TRIM49: variants seen among roughly 807,000 people sequenced by gnomAD.
The protein encoded by TRIM49 is tripartite motif-containing protein 49.
Under a neutral mutation model 27.4 loss-of-function variants are expected in TRIM49, and 5 were observed. That is an observed-to-expected ratio of 0.18 (90% CI 0.10 to 0.38). TRIM49 has a LOEUF of 0.38. TRIM49 is among the 10% of genes least tolerant of loss of function. The pLI is 1.00. For synonymous variants in TRIM49, 69 were observed against 166.0 expected (o/e 0.42, Z 4.49); for missense variants, 188 against 487.5 (o/e 0.39, Z 5.79).
chr11:89,775,661 T>C, the TRIM49 span, among the ~76,000 whole-genome samples: 1 of 134,238 alleles, frequency 7.4e-6, no homozygotes, highest in Non-Finnish European at 1.5e-5. Context: ...TATTTCAGAA[T>C]GTGAAAGTGT....
At chr11:89,793,055 A>G (rs1478067266), downstream of TRIM49, among the ~76,000 whole-genome samples, 12 of 152,128 alleles carry the variant, frequency 7.9e-5, no homozygotes, top group Admixed American at 7.9e-4. Context: ...AAAAATGATA[A>G]AGGGGATATC....
At chr11:89,800,461 G>C (rs1408555565) in intron 6 of TRIM49, among the ~76,000 whole-genome samples, 13 of 151,522 alleles carry the variant, frequency 8.6e-5, no homozygotes, top group Admixed American at 4.6e-4. Flanking sequence ...ACAAAATCAG[G>C]GGCCGGGCGC....
chr11:89,791,335 G>T, the TRIM49 span, among the ~76,000 whole-genome samples: 2 of 152,192 alleles, frequency 1.3e-5, no homozygotes, highest in Non-Finnish European at 2.9e-5. Flanking sequence ...TATTATCCAG[G>T]AGAACTTCCC....
At chr11:89,802,417 G>A (rs1357979722) in intron 4 of TRIM49, among the ~76,000 whole-genome samples, 1 of 150,386 alleles carries the variant, frequency 6.6e-6, no homozygotes, top group East Asian at 1.9e-4. Context: ...GGCCATCTTT[G>A]TCTCCCTGAA....
the TRIM49 span, among the ~76,000 whole-genome samples, chr11:89,767,966 C>G: frequency 7.3e-6 from 1 of 137,518 alleles, no homozygotes; most frequent in East Asian, 2.1e-4. Context: ...CCTAAAAAGC[C>G]CTTCTGCGTG....
the TRIM49 span, among the ~76,000 whole-genome samples, chr11:89,768,521 T>G: frequency 3.7e-5 from 5 of 135,032 alleles, 2 homozygotes; most frequent in African/African-American, 1.8e-4. Context: ...TGATCTCTAA[T>G]TATGATTCTG....
chr11:89,787,043 C>A, the TRIM49 span: 1 of 135,182 alleles, frequency 7.4e-6, no homozygotes, highest in South Asian at 2.0e-4. Context: ...TGGCCACTTA[C>A]ACGTCCGCCT....
intron 6 of TRIM49, among the ~76,000 whole-genome samples, chr11:89,800,117 A>C (rs1292426568): frequency 6.6e-6 from 1 of 150,490 alleles, no homozygotes. Context: ...ACTTCTTGGC[A>C]GACTCCCCTG....
At chr11:89,793,360 G>A (rs1269809413), downstream of TRIM49, among the ~76,000 whole-genome samples, 182 of 152,164 alleles carry the variant, frequency 1.2e-3, no homozygotes, top group African/African-American at 4.2e-3. Flanking sequence ...AGAAAAAGAG[G>A]GAATCCTCCC....
rs1369921547 is a variant in TRIM49 at position 89,804,422 on chromosome 11, G to A, written c.48C>T (p.Pro16=). The A allele has an allele frequency of 1.9e-6, 3 of 1,605,276 alleles. No homozygotes were observed. Among genetic ancestry groups the A allele is most frequent in the African/African-American group, 1.4e-5 (1 of 70,756 alleles). The change falls in exon 3 of 8, where the codon CCC becomes CCT. Residue 16 remains proline (P), a synonymous_variant. Coordinates refer to ENST00000329758, the MANE Select transcript of TRIM49 (RefSeq NM_020358.2). ...GGTCTATGAAGTAGTTCATGCACAGGGGGCAGATGAGTTCCCCCTGAAAGA... is the reference window on the plus strand; with the variant it reads ...GGTCTATGAAGTAGTTCATGCACAGAGGGCAGATGAGTTCCCCCTGAAAGA... ...LQVFQGELIC[P]LCMNYFIDPV... is the part of the protein sequence containing the mutation.
At chr11:89,798,707 C>T in intron 7 of TRIM49, 78 bp from the exon 8 acceptor site, 1 of 1,380,370 alleles carries the variant, frequency 7.2e-7, no homozygotes, top group Non-Finnish European at 9.3e-7. Flanking sequence ...CAAGAAGTTA[C>T]TTTACCAGCA....
downstream of TRIM49, among the ~76,000 whole-genome samples, chr11:89,795,915 A>G (rs1949685194): frequency 6.6e-6 from 1 of 151,948 alleles, no homozygotes; most frequent in Admixed American, 6.6e-5. Context: ...TCCAGAGAAG[A>G]CATCTCCAGA....
downstream of TRIM49, among the ~76,000 whole-genome samples, chr11:89,795,845 C>A (rs1483645154): frequency 6.6e-6 from 1 of 151,662 alleles, no homozygotes; most frequent in South Asian, 2.1e-4. Flanking sequence ...TGTAACAAAT[C>A]TGCACGTTGT....
the TRIM49 span, among the ~76,000 whole-genome samples, chr11:89,769,222 TC>T: frequency 7.6e-6 from 1 of 131,332 alleles, no homozygotes; most frequent in Non-Finnish European, 1.5e-5. Flanking sequence ...AAGTTGTTAT[TC>T]TGCGCATCTG....
chr11:89,796,441 G>A (rs1949689538), downstream of TRIM49, among the ~76,000 whole-genome samples: 2 of 135,754 alleles, frequency 1.5e-5, no homozygotes, highest in African/African-American at 3.2e-5. Flanking sequence ...TGACTATGTT[G>A]CCTCCACTGG....
chr11:89,786,586 CAGA>C, the TRIM49 span, among the ~76,000 whole-genome samples: 7 of 137,840 alleles, frequency 5.1e-5, no homozygotes, highest in African/African-American at 1.9e-4. Context: ...CAAGAATGAG[CAGA>C]AGAACAGGTT....
chr11:89,778,179 A>G, the TRIM49 span, among the ~76,000 whole-genome samples: 1 of 151,934 alleles, frequency 6.6e-6, no homozygotes, highest in East Asian at 1.9e-4. Flanking sequence ...AAGCCCACAC[A>G]AGCTAGCCAA....
At chr11:89,768,887 T>G in the TRIM49 span, 5,437 of 494,186 alleles carry the variant, frequency 0.011, 636 homozygotes, top group Middle Eastern at 0.013. Flanking sequence ...CTTTAGAAAG[T>G]TGTTATTCTT....
At chr11:89,786,918 G>A in the TRIM49 span, 2 of 123,514 alleles carry the variant, frequency 1.6e-5, no homozygotes, top group African/African-American at 9.0e-5. Context: ...TTGAAGGAGG[G>A]ATGCGTTTGG....
Sources: allele counts gnomAD v4.1 joint callset (sites outside exome capture counted in the v4.1 genomes callset), GRCh38; gene constraint gnomAD v4.1.1; transcripts MANE v1.5; gene names NCBI Gene and HGNC (gene_info 2026-07-23, HGNC 2026-07-21).